KCNQ5: variants seen among roughly 807,000 people sequenced by gnomAD.
The protein encoded by KCNQ5 is potassium voltage-gated channel subfamily KQT member 5.
KCNQ5 carries 30 observed loss-of-function variants against 98.2 expected under a neutral mutation model. That is an observed-to-expected ratio of 0.31 (90% CI 0.23 to 0.41). The LOEUF (loss-of-function observed/expected upper bound fraction) is 0.41, where lower values mean the gene tolerates loss of function less well. Among genes scored for constraint, KCNQ5 ranks in the 10% least tolerant of loss-of-function variants. The pLI is 1.00. For synonymous variants in KCNQ5, 458 were observed against 449.4 expected (o/e 1.02, Z -0.24); for missense variants, 835 against 1,182.5 (o/e 0.71, Z 4.31).
chr6:73,022,149 T>C (rs776271582), intron 2 of KCNQ5, among the ~76,000 whole-genome samples: 4 of 152,144 alleles, frequency 2.6e-5, no homozygotes, highest in Non-Finnish European at 5.9e-5. Context: ...TAAAAACTAA[T>C]TTAGTAATAA....
chr6:72,690,409 C>T (rs530487881), intron 1 of KCNQ5, among the ~76,000 whole-genome samples: 1 of 151,866 alleles, frequency 6.6e-6, no homozygotes, highest in South Asian at 2.1e-4. Flanking sequence ...TCTTTGGTTC[C>T]CACTCTTCTC....
At chr6:73,147,024 A>G (rs1346834747) in intron 10 of KCNQ5, among the ~76,000 whole-genome samples, 1 of 152,168 alleles carries the variant, frequency 6.6e-6, no homozygotes, top group Non-Finnish European at 1.5e-5. Flanking sequence ...TCTTATGAAA[A>G]TTGAATTAAT....
intron 1 of KCNQ5, among the ~76,000 whole-genome samples, chr6:72,824,648 AGCTGT>A (rs1425541341): frequency 2.6e-5 from 4 of 152,096 alleles, no homozygotes; most frequent in African/African-American, 9.7e-5. Flanking sequence ...AGAAGAGTGA[AGCTGT>A]GCTGGCCAGC....
chr6:73,180,383 T>C (rs1051659889), intron 11 of KCNQ5, among the ~76,000 whole-genome samples: 1 of 152,234 alleles, frequency 6.6e-6, no homozygotes, highest in African/African-American at 2.4e-5. Flanking sequence ...GAAAAATTAA[T>C]GGAACTTCTT....
At chr6:72,625,485 T>A (rs974180856) in intron 1 of KCNQ5, among the ~76,000 whole-genome samples, 1 of 152,236 alleles carries the variant, frequency 6.6e-6, no homozygotes, top group Non-Finnish European at 1.5e-5. Flanking sequence ...TGTCCCTTTT[T>A]AATTCCTCCT....
chr6:72,862,261 G>A lies in KCNQ5; in HGVS notation c.399-141647G>A, dbSNP rs78482201. Among the ~76,000 whole-genome samples, 1,520 of 152,252 alleles carry A rather than the reference G, an allele frequency of 1.0e-2. 29 individuals are homozygous for A. Among genetic ancestry groups the A allele is most frequent in the African/African-American group, 0.034 (1,404 of 41,536 alleles). ...AGAACTGCTTCTTGGAAAGTGAGAG[G>A]GGAAATTCTCTAAGGAGGAGTAAGT... On this transcript the variant is annotated intron_variant, in intron 1 of 13. Coordinates refer to ENST00000370398, the MANE Select transcript of KCNQ5 (RefSeq NM_019842.4).
intron 1 of KCNQ5, among the ~76,000 whole-genome samples, chr6:72,727,611 ACTCCTTCAGTAATGCCTCAGGTT>A (rs1770352017): frequency 6.6e-6 from 1 of 151,866 alleles, no homozygotes; most frequent in African/African-American, 2.4e-5. Context: ...AGCAACTGGT[ACTCCTTCAGTAATGCCTCAGGTT>A]TCTGGATTGG....
At position 72,894,212 on chromosome 6, in the gene KCNQ5, C is replaced by G. The variant is rs1424170390; in HGVS notation, c.399-109696C>G. 2.6e-5 allele frequency among the ~76,000 whole-genome samples: 4 copies of G among 152,238 alleles called. No homozygotes were observed. In the East Asian group the frequency reaches 7.7e-4, roughly 29 times the overall value. On this transcript the variant is annotated intron_variant, in intron 1 of 13. Coordinates refer to ENST00000370398, the MANE Select transcript of KCNQ5 (RefSeq NM_019842.4). The stretch of plus-strand genomic sequence containing the variant: ...AATTATTCTGACACTTGAAATTTTA[C>G]CTTTAACGTTTCCTGGGAAACATAG...
In KCNQ5 at chr6:72,966,070, G is replaced by A. The variant is rs552682044; in HGVS notation, c.399-37838G>A. On this transcript the variant is annotated intron_variant, in intron 1 of 13. Transcript: ENST00000370398. ...ACTTCCCACCATCCACCACCATCAGGTCCTGAAGCCAAATACAGAAGATAG... is the reference window on the plus strand; with the variant it reads ...ACTTCCCACCATCCACCACCATCAGATCCTGAAGCCAAATACAGAAGATAG... Among the ~76,000 whole-genome samples the A allele has an allele frequency of 5.9e-5, 9 of 152,160 alleles. 1 individual carries two copies. In the East Asian group the frequency reaches 1.7e-3, roughly 29 times the overall value.
At position 73,190,638 on chromosome 6, in the gene KCNQ5, A is replaced by G; in HGVS notation, c.1643A>G (p.Asp548Gly). The G allele has an allele frequency of 6.3e-7, 1 of 1,592,882 alleles. No individual in the cohort carries two copies. Among genetic ancestry groups the G allele is most frequent in the Non-Finnish European group, 8.6e-7 (1 of 1,165,836 alleles). The change falls in exon 12 of 14, where the codon GAT becomes GGT. Residue 548 changes from aspartate (D) to glycine (G), a missense_variant. Physicochemically the swap from Asp to Gly is moderately conservative, Grantham distance 94. Around this residue, in one of 10 missense-constraint regions of KCNQ5, gnomAD observed 146 missense variants for 256.7 expected, o/e 0.57. Coordinates refer to ENST00000370398, the MANE Select transcript of KCNQ5 (RefSeq NM_019842.4). ...ACATTACGTCCATATGATGTAAAAGATGTCATTGAACAATATTCTGCTGGT... is the reference window on the plus strand; with the variant it reads ...ACATTACGTCCATATGATGTAAAAGGTGTCATTGAACAATATTCTGCTGGT... ...KETLRPYDVK[D>G]VIEQYSAGHL...
chr6:73,044,505 C>T (rs576651584), intron 3 of KCNQ5, among the ~76,000 whole-genome samples: 1 of 152,242 alleles, frequency 6.6e-6, no homozygotes, highest in Non-Finnish European at 1.5e-5. Flanking sequence ...ATGTTTGACC[C>T]ATGGTCCAGC....
At chr6:73,151,443 A>C (rs973506452) in intron 10 of KCNQ5, among the ~76,000 whole-genome samples, 1 of 152,160 alleles carries the variant, frequency 6.6e-6, no homozygotes, top group African/African-American at 2.4e-5. Flanking sequence ...CCAACCTTTC[A>C]ATGTAAGTCA....
intron 1 of KCNQ5, among the ~76,000 whole-genome samples, chr6:72,634,360 A>G (rs949266666): frequency 6.6e-6 from 1 of 152,100 alleles, no homozygotes; most frequent in Non-Finnish European, 1.5e-5. Context: ...TTTTCTTATC[A>G]TTATGCACCT....
intron 1 of KCNQ5, among the ~76,000 whole-genome samples, chr6:72,787,434 T>C (rs946412484): frequency 4.6e-5 from 7 of 152,152 alleles, no homozygotes; most frequent in Non-Finnish European, 1.0e-4. Context: ...ACCCATGTTA[T>C]GTATGTGAAT....
chr6:73,053,758 TA>T (rs1772342021), intron 3 of KCNQ5, among the ~76,000 whole-genome samples: 1 of 152,002 alleles, frequency 6.6e-6, no homozygotes, highest in Non-Finnish European at 1.5e-5. Context: ...AGAAAGATCT[TA>T]AGTTAACAAC....
At chr6:72,701,605 G>A (rs1768811975) in intron 1 of KCNQ5, among the ~76,000 whole-genome samples, 2 of 151,920 alleles carry the variant, frequency 1.3e-5, no homozygotes, top group Non-Finnish European at 2.9e-5. Context: ...TAGAGTTGGG[G>A]GTCTCATTCT....
chr6:72,638,781 G>A (rs189173214), intron 1 of KCNQ5, among the ~76,000 whole-genome samples: 2 of 152,306 alleles, frequency 1.3e-5, no homozygotes, highest in Non-Finnish European at 2.9e-5. Context: ...AGGGTGACAT[G>A]TAAAGTTAGT....
At chr6:72,978,683 A>AT (rs1307926083) in intron 1 of KCNQ5, among the ~76,000 whole-genome samples, 5 of 151,828 alleles carry the variant, frequency 3.3e-5, no homozygotes, top group Non-Finnish European at 3.0e-5. Flanking sequence ...TAGGAACACA[A>AT]TTTTTTTATT....
intron 10 of KCNQ5, among the ~76,000 whole-genome samples, chr6:73,137,146 C>T (rs1480813046): frequency 6.6e-6 from 1 of 151,942 alleles, no homozygotes. Flanking sequence ...TTTAATAATT[C>T]CTGACAAATC....
Sources: allele counts gnomAD v4.1 joint callset (sites outside exome capture counted in the v4.1 genomes callset), GRCh38; gene constraint gnomAD v4.1.1; regional missense constraint gnomAD v4.1.1; transcripts MANE v1.5; gene names NCBI Gene and HGNC (gene_info 2026-07-23, HGNC 2026-07-21).